Variants in ST3GAL2 observed in about 807,000 individuals in gnomAD.
The protein encoded by ST3GAL2 is ST3 beta-galactoside alpha-2,3-sialyltransferase 2.
In ST3GAL2, 16 loss-of-function variants were observed where a neutral mutation model predicts 37.5. That is an observed-to-expected ratio of 0.43 (90% CI 0.29 to 0.65). The LOEUF (loss-of-function observed/expected upper bound fraction) is 0.65, where lower values mean the gene tolerates loss of function less well. Among genes scored for constraint, ST3GAL2 ranks in the 30% least tolerant of loss-of-function variants. ST3GAL2 has a pLI of 0.17. For synonymous variants in ST3GAL2, 238 were observed against 202.9 expected (o/e 1.17, Z -1.47); for missense variants, 383 against 487.8 (o/e 0.79, Z 2.02).
At chr16:70,431,157 C>A (rs906878423) in intron 1 of ST3GAL2, among the ~76,000 whole-genome samples, 5 of 152,064 alleles carry the variant, frequency 3.3e-5, no homozygotes, top group Non-Finnish European at 7.4e-5. Flanking sequence ...AATCTCCTGA[C>A]GTGTGCCTCT....
At chr16:70,410,541 A>C (rs79724048) in intron 1 of ST3GAL2, among the ~76,000 whole-genome samples, 13,413 of 151,632 alleles carry the variant, frequency 0.088, 1,962 homozygotes, top group African/African-American at 0.3. Flanking sequence ...GCGAGAGCCA[A>C]CACGCCCGGC....
intron 3 of ST3GAL2, among the ~76,000 whole-genome samples, chr16:70,390,116 C>A (rs1184310613): frequency 1.3e-5 from 2 of 152,142 alleles, no homozygotes; most frequent in Non-Finnish European, 2.9e-5. Context: ...ACTCTGTCAC[C>A]CAGGCTGGAG....
intron 1 of ST3GAL2, among the ~76,000 whole-genome samples, chr16:70,418,200 C>A (rs765991408): frequency 9.9e-5 from 15 of 152,212 alleles, no homozygotes; most frequent in Non-Finnish European, 1.8e-4. Flanking sequence ...CCCTCACTGA[C>A]CCCTTAGCCA....
chr16:70,395,972 C>CT (rs11353666), intron 2 of ST3GAL2, among the ~76,000 whole-genome samples: 1,601 of 141,658 alleles, frequency 0.011, 22 homozygotes, highest in East Asian at 0.04. Context: ...ATGAAATACT[C>CT]TTTTTTTTTT....
intron 6 of ST3GAL2, 152 bp downstream of exon 6, chr16:70,382,653 A>G (rs909702682): frequency 1.2e-5 from 14 of 1,170,770 alleles, no homozygotes; most frequent in African/African-American, 1.5e-5. Context: ...GGAAAGGCAT[A>G]TCTATACTTT....
At chr16:70,405,959 G>A (rs2047589466) in intron 1 of ST3GAL2, among the ~76,000 whole-genome samples, 1 of 151,846 alleles carries the variant, frequency 6.6e-6, no homozygotes, top group Non-Finnish European at 1.5e-5. Context: ...TACTCAGGAG[G>A]CTGAGGCAGG....
At chr16:70,422,027 A>G (rs1404723267) in intron 1 of ST3GAL2, among the ~76,000 whole-genome samples, 1 of 152,128 alleles carries the variant, frequency 6.6e-6, no homozygotes, top group Non-Finnish European at 1.5e-5. Flanking sequence ...CAGCCCCCGA[A>G]AGTGCTGGAA....
rs1358083689 is a variant in ST3GAL2, at chr16:70,383,214, G to A, written c.735C>T (p.Ser245=). 1 of 1,608,838 alleles carries A rather than the reference G, an allele frequency of 6.2e-7. No homozygotes were observed. The highest frequency in any genetic ancestry group is 1.1e-5 in the South Asian group (1 of 90,640). ...CCTTTTCTTTATCCACTCGAAGGAA[G>A]GACTTCACTGGGGCGTAGGTGCTGT... The part of the protein sequence containing the change: ...QIRFTYAPVK[S]FLRVDKEKVQ... Residue 245 remains serine, a synonymous_variant, in exon 5 of 7, where the codon TCC becomes TCT. Transcript: ENST00000342907.
At chr16:70,410,240 CTTTTTTTTTTTT>C (rs751045679) in intron 1 of ST3GAL2, among the ~76,000 whole-genome samples, 6 of 62,664 alleles carry the variant, frequency 9.6e-5, no homozygotes, top group Non-Finnish European at 1.5e-4. Flanking sequence ...CCACCCTCAC[CTTTTTTTTTTTT>C]TTTTTTTTTT....
chr16:70,385,437 C>T (rs966979715), intron 4 of ST3GAL2, among the ~76,000 whole-genome samples: 1 of 152,008 alleles, frequency 6.6e-6, no homozygotes, highest in Non-Finnish European at 1.5e-5. Context: ...ATAATGAAAA[C>T]GTTCTGGAAA....
intron 1 of ST3GAL2, among the ~76,000 whole-genome samples, chr16:70,429,449 C>T (rs1453826819): frequency 2.0e-5 from 3 of 151,844 alleles, no homozygotes; most frequent in Non-Finnish European, 2.9e-5. Flanking sequence ...AAAAATTAGC[C>T]GGGCGTAGTG....
At chr16:70,429,691 G>C (rs1260763449) in intron 1 of ST3GAL2, among the ~76,000 whole-genome samples, 2 of 146,770 alleles carry the variant, frequency 1.4e-5, no homozygotes, top group Non-Finnish European at 3.0e-5. Context: ...GCCCAGGCTG[G>C]AGTGAAATGG....
chr16:70,395,213 G>A (rs763261374), intron 2 of ST3GAL2, 38 bp from the exon 3 acceptor site: 2 of 1,571,620 alleles, frequency 1.3e-6, no homozygotes, highest in Non-Finnish European at 1.7e-6. Flanking sequence ...CGAGGAAGGG[G>A]AGAGGTGTGT....
chr16:70,424,183 C>T (rs189305535), intron 1 of ST3GAL2, among the ~76,000 whole-genome samples: 6 of 147,464 alleles, frequency 4.1e-5, no homozygotes, highest in African/African-American at 7.4e-5. Flanking sequence ...TTAGTAGAGA[C>T]GGGGTTTCTC....
At position 70,409,747 on chromosome 16, in the gene ST3GAL2, C is replaced by T. The variant is rs894500912; in HGVS notation, c.-1003-10214G>A. ...ACTCGACCACCTGGGCTCAAATGAT[C>T]CTACCTCAGGCCCCCGAGTAGCTAG... On this transcript the variant is annotated intron_variant, in intron 1 of 6. Transcript: ENST00000342907. Among the ~76,000 whole-genome samples the T allele has an allele frequency of 1.4e-4, 22 of 151,988 alleles. 1 individual carries two copies. The highest frequency in any genetic ancestry group is 2.4e-4 in the Non-Finnish European group (16 of 68,006).
chr16:70,408,099 A>G (rs190397680), intron 1 of ST3GAL2, among the ~76,000 whole-genome samples: 68 of 152,304 alleles, frequency 4.5e-4, no homozygotes, highest in South Asian at 2.1e-3. Context: ...CCGATGCTTT[A>G]TGAACCTCTG....
chr16:70,426,202 T>G (rs75064346), intron 1 of ST3GAL2, among the ~76,000 whole-genome samples: 308 of 142,996 alleles, frequency 2.2e-3, no homozygotes, highest in Middle Eastern at 0.014. Context: ...TTTTTTTTTT[T>G]TTTGTTTTTG....
chr16:70,424,930 C>A (rs1410725314), intron 1 of ST3GAL2, among the ~76,000 whole-genome samples: 2 of 152,166 alleles, frequency 1.3e-5, no homozygotes, highest in East Asian at 3.9e-4. Context: ...TGTGTCCAAA[C>A]CTGGACCAGG....
intron 1 of ST3GAL2, among the ~76,000 whole-genome samples, chr16:70,407,637 G>A (rs1295586532): frequency 1.3e-5 from 2 of 152,178 alleles, no homozygotes; most frequent in Non-Finnish European, 2.9e-5. Context: ...TGCAGCCGAA[G>A]GGCTACTTCC....
Sources: gnomAD v4.1 joint callset for allele counts (sites outside exome capture counted in the v4.1 genomes callset) on GRCh38, gnomAD v4.1.1 for gene constraint, MANE v1.5 for transcripts, NCBI Gene and HGNC (gene_info 2026-07-23, HGNC 2026-07-21) for gene names.